GLIS3: variants seen among roughly 807,000 people sequenced by gnomAD.
The protein encoded by GLIS3 is zinc finger protein GLIS3.
GLIS3 carries 53 observed loss-of-function variants against 78.6 expected under a neutral mutation model. The observed-to-expected ratio is 0.67, with a 90% CI of 0.54 to 0.85. The LOEUF (loss-of-function observed/expected upper bound fraction) is 0.85. Ranked by LOEUF, GLIS3 falls within the 40% of genes least tolerant of loss-of-function variation. The probability of loss-of-function intolerance (pLI) is 0.00; values close to 1 mark genes in which losing one functional copy is unlikely to be tolerated. For synonymous variants in GLIS3, 684 were observed against 509.9 expected (o/e 1.34, Z -4.60); for missense variants, 1,703 against 1,231.1 (o/e 1.38, Z -5.74).
At chr9:4,439,937 C>G in the GLIS3 span, among the ~76,000 whole-genome samples, 1 of 152,172 alleles carries the variant, frequency 6.6e-6, no homozygotes, top group Non-Finnish European at 1.5e-5. Flanking sequence ...CCTACCTCAG[C>G]CTTTCAAAAT....
chr9:4,215,648 T>A (rs927221863), intron 2 of GLIS3, among the ~76,000 whole-genome samples: 1 of 152,220 alleles, frequency 6.6e-6, no homozygotes, highest in Non-Finnish European at 1.5e-5. Context: ...TCAATTCCCA[T>A]GCAATGAATG....
intron 9 of GLIS3, among the ~76,000 whole-genome samples, chr9:3,853,519 T>C (rs1349612953): frequency 2.0e-5 from 3 of 152,186 alleles, no homozygotes; most frequent in African/African-American, 7.2e-5. Context: ...AAGAAGGGAA[T>C]AGAAGGAAAA....
At chr9:4,444,632 C>A in the GLIS3 span, among the ~76,000 whole-genome samples, 1 of 152,206 alleles carries the variant, frequency 6.6e-6, no homozygotes, top group Non-Finnish European at 1.5e-5. Context: ...ATGAAGAAAG[C>A]AAGCCATCCC....
chr9:4,110,619 C>G (rs1189757077), intron 4 of GLIS3, among the ~76,000 whole-genome samples: 2 of 152,250 alleles, frequency 1.3e-5, no homozygotes, highest in African/African-American at 4.8e-5. Context: ...GGTCTCCCCT[C>G]TGGATGAAGG....
intron 2 of GLIS3, among the ~76,000 whole-genome samples, chr9:4,260,075 C>G (rs934906118): frequency 7.7e-6 from 1 of 130,398 alleles, no homozygotes; most frequent in Non-Finnish European, 1.7e-5. Flanking sequence ...ATAGTGACCT[C>G]TGATCTACAC....
At chr9:4,148,090 A>G (rs923968489) in intron 2 of GLIS3, among the ~76,000 whole-genome samples, 1 of 152,204 alleles carries the variant, frequency 6.6e-6, no homozygotes, top group Non-Finnish European at 1.5e-5. Flanking sequence ...TGCATAGGAA[A>G]GAGTAAGTTA....
At chr9:4,273,857 T>C (rs1263409919) in intron 2 of GLIS3, among the ~76,000 whole-genome samples, 2 of 152,132 alleles carry the variant, frequency 1.3e-5, no homozygotes, top group African/African-American at 4.8e-5. Context: ...AATGCTCCTA[T>C]GAATCTGAAA....
intron 4 of GLIS3, among the ~76,000 whole-genome samples, chr9:3,998,939 T>C (rs1041665649): frequency 1.3e-5 from 2 of 151,998 alleles, no homozygotes; most frequent in African/African-American, 4.8e-5. Context: ...TATCCTGTAC[T>C]TCTTTTTGCA....
chr9:4,309,228 G>A (rs1190349479), intron 3 of GLIS3, among the ~76,000 whole-genome samples: 1 of 152,140 alleles, frequency 6.6e-6, no homozygotes, highest in Non-Finnish European at 1.5e-5. Context: ...CAAAGCCATT[G>A]CTGTCTACAT....
At chr9:4,293,259 T>C (rs1028432491) in intron 1 of GLIS3, among the ~76,000 whole-genome samples, 1 of 152,192 alleles carries the variant, frequency 6.6e-6, no homozygotes, top group Non-Finnish European at 1.5e-5. Context: ...ATTCTAGAAA[T>C]AAAATTTATC....
intron 2 of GLIS3, among the ~76,000 whole-genome samples, chr9:4,276,973 C>G (rs1271465524): frequency 2.0e-5 from 3 of 152,150 alleles, no homozygotes; most frequent in African/African-American, 7.2e-5. Context: ...TGCTCTAATT[C>G]TGCAGGAAGC....
the GLIS3 span, among the ~76,000 whole-genome samples, chr9:4,448,580 T>G: frequency 6.6e-6 from 1 of 152,248 alleles, no homozygotes; most frequent in Admixed American, 6.5e-5. Context: ...CAGCTTCTTG[T>G]GGGCATGCTG....
chr9:4,346,365 G>A (rs547155330), intron 2 of GLIS3, among the ~76,000 whole-genome samples: 1 of 148,128 alleles, frequency 6.8e-6, no homozygotes, highest in Non-Finnish European at 1.5e-5. Context: ...AAAGCAGAGC[G>A]ATGACTTTGG....
chr9:3,984,814 A>C (rs529083172), intron 4 of GLIS3, among the ~76,000 whole-genome samples: 14 of 152,252 alleles, frequency 9.2e-5, no homozygotes, highest in Admixed American at 7.2e-4. Context: ...GAAGTGATTG[A>C]ATTGTGGGGG....
chr9:4,092,108 TTC>T (rs1236956678), intron 4 of GLIS3, among the ~76,000 whole-genome samples: 1 of 152,024 alleles, frequency 6.6e-6, no homozygotes, highest in Non-Finnish European at 1.5e-5. Context: ...TTAAAAATTT[TTC>T]TTTCTTTAAT....
At chr9:4,447,354 A>G in the GLIS3 span, among the ~76,000 whole-genome samples, 1 of 151,910 alleles carries the variant, frequency 6.6e-6, no homozygotes, top group Non-Finnish European at 1.5e-5. Flanking sequence ...CTGATACAGG[A>G]GTGAGCCACC....
chr9:4,163,559 A>C (rs1835668334), intron 2 of GLIS3, among the ~76,000 whole-genome samples: 1 of 152,262 alleles, frequency 6.6e-6, no homozygotes, highest in Admixed American at 6.5e-5. Context: ...GTAAGACCAC[A>C]TTTCACAGGC....
intron 8 of GLIS3, among the ~76,000 whole-genome samples, chr9:3,862,492 G>C (rs1432698464): frequency 1.3e-5 from 2 of 152,108 alleles, no homozygotes; most frequent in African/African-American, 4.8e-5. Context: ...GTGTGTATAA[G>C]TCCAAAGTAT....
chr9:4,349,541 G>C (rs548216859), upstream of GLIS3, among the ~76,000 whole-genome samples: 2 of 152,116 alleles, frequency 1.3e-5, no homozygotes, highest in African/African-American at 4.8e-5. Context: ...CTGTATGCTA[G>C]ATGACCAAAA....
Sources: allele counts gnomAD v4.1 joint callset (sites outside exome capture counted in the v4.1 genomes callset), GRCh38; gene constraint gnomAD v4.1.1; transcripts MANE v1.5; gene names NCBI Gene and HGNC (gene_info 2026-07-23, HGNC 2026-07-21).